SPATA21: variants seen among roughly 807,000 people sequenced by gnomAD.
The protein encoded by SPATA21 is spermatogenesis-associated protein 21.
In SPATA21, 47 loss-of-function variants were observed where a neutral mutation model predicts 54.8. The ratio of observed to expected loss-of-function variants is 0.86; its 90% confidence interval spans 0.68 to 1.09. The LOEUF (loss-of-function observed/expected upper bound fraction) is 1.09. Ranked by LOEUF, SPATA21 falls within the 50% of genes least tolerant of loss-of-function variation. SPATA21 has a pLI of 0.00. For synonymous variants in SPATA21, 245 were observed against 235.3 expected, an observed-to-expected ratio of 1.04 and a Z score of -0.38; for missense variants, 599 against 596.4, an observed-to-expected ratio of 1.00 and a Z score of -0.05.
intron 3 of SPATA21, among the ~76,000 whole-genome samples, chr1:16,427,429 G>C (rs1470277883): frequency 1.3e-5 from 2 of 151,618 alleles, no homozygotes; most frequent in Non-Finnish European, 2.9e-5. Context: ...TTCTCTTTTT[G>C]AATACATTCT....
intron 8 of SPATA21, among the ~76,000 whole-genome samples, chr1:16,404,689 A>G (rs563278936): frequency 6.6e-6 from 1 of 152,112 alleles, no homozygotes; most frequent in Non-Finnish European, 1.5e-5. Context: ...GTGCGCCTAT[A>G]GCCCCAATTA....
At chr1:16,436,157 C>T (rs968003182) in intron 1 of SPATA21, among the ~76,000 whole-genome samples, 10 of 151,820 alleles carry the variant, frequency 6.6e-5, no homozygotes, top group Non-Finnish European at 1.3e-4. Context: ...GAGGCCGAGG[C>T]GGGCAGATCA....
intron 5 of SPATA21, among the ~76,000 whole-genome samples, chr1:16,414,936 G>A (rs1448944960): frequency 1.4e-5 from 2 of 142,912 alleles, no homozygotes; most frequent in African/African-American, 2.6e-5. Flanking sequence ...TATTCTGACA[G>A]CCTAGAAAAG....
chr1:16,395,985 AG>A (rs2085305255), downstream of SPATA21: 1 of 152,648 alleles, frequency 6.6e-6, no homozygotes, highest in Admixed American at 6.5e-5. Context: ...TTTGGGAGAT[AG>A]GGAAAGTGAA....
chr1:16,436,336 G>A (rs1373025088), intron 1 of SPATA21, among the ~76,000 whole-genome samples: 1 of 149,040 alleles, frequency 6.7e-6, no homozygotes, highest in Non-Finnish European at 1.5e-5. Context: ...GCAGTGAGCC[G>A]AGATCGCACC....
At position 16,431,398 on chromosome 1, in the gene SPATA21, G is replaced by A. The variant is rs144024745; in HGVS notation, c.-27C>T. On this transcript the variant is annotated 5_prime_UTR_variant, in exon 3 of 13. Transcript: ENST00000335496. ...ATGCCAGCGCCAACACGGGTGCCAA[G>A]TGAGGGGCATCACCTAGTGTGCTCC... 2.5e-6 allele frequency: 4 copies of A among 1,613,830 alleles called. No homozygotes were observed. The highest frequency in any genetic ancestry group is 3.4e-6 in the Non-Finnish European group (4 of 1,179,834).
At chr1:16,417,184 C>G (rs147066032) in intron 5 of SPATA21, among the ~76,000 whole-genome samples, 36 of 152,294 alleles carry the variant, frequency 2.4e-4, no homozygotes, top group African/African-American at 8.4e-4. Context: ...TCTCCATCGT[C>G]ACTTTTCATT....
chr1:16,424,200 C>CT (rs796695407), intron 3 of SPATA21, among the ~76,000 whole-genome samples: 4 of 139,460 alleles, frequency 2.9e-5, no homozygotes, highest in Non-Finnish European at 3.1e-5. Flanking sequence ...GTAATCCCAG[C>CT]ACTTTGGGAG....
rs887552952 is a variant in SPATA21 at position 16,404,124 on chromosome 1, C to T, written c.812-85G>A. 1.3e-5 allele frequency: 15 copies of T among 1,123,898 alleles called. No individual in the cohort carries two copies. The African/African-American group carries it at 1.4e-4, about 10-fold the overall frequency. 69.6% of individuals were successfully genotyped at this position (1,123,898 alleles called of 1,614,324 possible). A position where few individuals can be genotyped will look rare whatever the true frequency, so the allele number is the denominator to read the frequency against. ...GCCCAGGCGTGGTTATTAGAAGTCA[C>T]TGTCTGGGTCTGATTATCAAGCAGT... On this transcript the variant is annotated intron_variant, in intron 8 of 12. Transcript: ENST00000335496.
intron 3 of SPATA21, among the ~76,000 whole-genome samples, chr1:16,423,539 C>CTTTTTTTTTT (rs966239575): frequency 9.0e-6 from 1 of 111,662 alleles, no homozygotes; most frequent in Non-Finnish European, 1.8e-5. Context: ...TCTCTCTCTC[C>CTTTTTTTTTT]TTTTTTTTTT....
intron 12 of SPATA21, 42 bp from the exon 13 acceptor site, chr1:16,398,864 C>T: frequency 6.3e-7 from 1 of 1,590,078 alleles, no homozygotes; most frequent in South Asian, 1.1e-5. Context: ...GACATGTGGC[C>T]CTTTCCCTAT....
intron 5 of SPATA21, among the ~76,000 whole-genome samples, chr1:16,413,115 T>C (rs1046558174): frequency 1.3e-5 from 2 of 151,266 alleles, no homozygotes. Context: ...TGTCCTGCTA[T>C]GTTGCCCAGG....
At chr1:16,403,486 T>TTC (rs200324223) in intron 10 of SPATA21, among the ~76,000 whole-genome samples, 9,369 of 120,002 alleles carry the variant, frequency 0.078, 509 homozygotes, top group Non-Finnish European at 0.12. Context: ...TTTTTTTCTT[T>TTC]TTTTTCTTTT....
intron 5 of SPATA21, among the ~76,000 whole-genome samples, chr1:16,411,430 T>C (rs2085839417): frequency 6.6e-6 from 1 of 151,970 alleles, no homozygotes; most frequent in Non-Finnish European, 1.5e-5. Context: ...ATGATCCTCC[T>C]ACCTCAGCCT....
chr1:16,419,410 T>C (rs2086107803), intron 5 of SPATA21, among the ~76,000 whole-genome samples: 1 of 152,014 alleles, frequency 6.6e-6, no homozygotes, highest in Non-Finnish European at 1.5e-5. Context: ...AAGGGACGGA[T>C]TCAGGATTTA....
chr1:16,437,005 TTGGAAATATCTATGA>T, intron 1 of SPATA21, 108 bp downstream of exon 1: 1 of 152,328 alleles, frequency 6.6e-6, no homozygotes, highest in South Asian at 2.1e-4. Flanking sequence ...AGAATTTCTC[TTGGAAATATCTATGA>T]TGGCAGGAAA....
chr1:16,407,848 C>T (rs2085695838), intron 7 of SPATA21, among the ~76,000 whole-genome samples: 1 of 152,170 alleles, frequency 6.6e-6, no homozygotes, highest in Non-Finnish European at 1.5e-5. Context: ...CCACCATAAC[C>T]TCGAACTCCT....
intron 5 of SPATA21, among the ~76,000 whole-genome samples, chr1:16,416,847 T>G (rs12145688): frequency 0.38 from 57,962 of 151,882 alleles, 11,575 homozygotes; most frequent in African/African-American, 0.42. Flanking sequence ...ACCCAGGGTG[T>G]GCTGCTTTCT....
intron 5 of SPATA21, chr1:16,410,850 C>G: frequency 2.5e-6 from 1 of 397,262 alleles, no homozygotes; most frequent in Non-Finnish European, 5.1e-6. Flanking sequence ...CCGGCTGAGC[C>G]ATGGTCTTGA....
Sources: allele counts gnomAD v4.1 joint callset (sites outside exome capture counted in the v4.1 genomes callset), GRCh38; gene constraint gnomAD v4.1.1; transcripts MANE v1.5; gene names NCBI Gene and HGNC (gene_info 2026-07-23, HGNC 2026-07-21).